Variants in EPG5 observed in about 807,000 individuals in gnomAD.
EPG5 encodes the protein ectopic P granules protein 5 homolog.
EPG5 carries 159 observed loss-of-function variants against 302.7 expected under a neutral mutation model. The observed-to-expected ratio is 0.53, with a 90% CI of 0.46 to 0.60. The LOEUF (loss-of-function observed/expected upper bound fraction) is 0.60. Ranked by LOEUF, EPG5 falls within the 20% of genes least tolerant of loss-of-function variation. EPG5 has a pLI of 0.00. For synonymous variants in EPG5, 1,158 were observed against 1,136.8 expected (o/e 1.02, Z -0.37); for missense variants, 2,896 against 3,092.4 (o/e 0.94, Z 1.51).
intron 1 of EPG5, among the ~76,000 whole-genome samples, 157 bp from the exon 2 acceptor site, chr18:45,955,495 ATG>A (rs2051007717): frequency 6.6e-6 from 1 of 152,244 alleles, no homozygotes; most frequent in Admixed American, 6.5e-5. Flanking sequence ...ATGAACAAAT[ATG>A]AAACAGAAAT....
the EPG5 span, among the ~76,000 whole-genome samples, chr18:45,814,606 A>G: frequency 7.2e-5 from 11 of 152,240 alleles, no homozygotes; most frequent in Non-Finnish European, 1.6e-4. Flanking sequence ...TAAAGAGAAA[A>G]GTGCATGATA....
At position 45,882,354 on chromosome 18, in the gene EPG5, A is replaced by G; in HGVS notation, c.5438T>C (p.Leu1813Pro). ...PDEDILMPFN[L>P]FCKHWTYLLL... Reference sequence around the variant, plus strand: ...AAGATAAGTCCAGTGCTTACAGAAAAGATTAAATGGCATCAAAATATCCTC... The same window carrying G: ...AAGATAAGTCCAGTGCTTACAGAAAGGATTAAATGGCATCAAAATATCCTC... Residue 1813 changes from leucine (L) to proline (P), a missense_variant, in exon 31 of 44, where the codon CTT (leucine) becomes CCT (proline). Coordinates refer to ENST00000282041, the MANE Select transcript of EPG5 (RefSeq NM_020964.3). 6.2e-7 allele frequency: 1 copy of G among 1,614,234 alleles called. No homozygotes were observed.
At chr18:45,842,065 C>T in the EPG5 span, 1 of 1,596,938 alleles carries the variant, frequency 6.3e-7, no homozygotes, top group African/African-American at 1.3e-5. Context: ...TGTGGACCTC[C>T]CACCTGTTTG....
intron 1 of EPG5, among the ~76,000 whole-genome samples, chr18:45,964,071 C>CA (rs565124204): frequency 4.6e-5 from 7 of 150,676 alleles, no homozygotes; most frequent in Non-Finnish European, 7.4e-5. Context: ...TAAACTTTAA[C>CA]AAAAAAAAAT....
the EPG5 span, among the ~76,000 whole-genome samples, chr18:45,814,252 T>C: frequency 4.6e-5 from 7 of 152,228 alleles, no homozygotes; most frequent in South Asian, 1.2e-3. Context: ...CATACACTAA[T>C]CATGAGGAAG....
At chr18:45,878,636 T>G (rs575984751) in intron 33 of EPG5, among the ~76,000 whole-genome samples, 188 bp from the exon 34 acceptor site, 1 of 152,216 alleles carries the variant, frequency 6.6e-6, no homozygotes, top group Non-Finnish European at 1.5e-5. Flanking sequence ...TTTCTCTGAA[T>G]TGAAGAATTT....
intron 1 of EPG5, among the ~76,000 whole-genome samples, chr18:45,955,668 G>T (rs543387173): frequency 6.6e-6 from 1 of 152,302 alleles, no homozygotes; most frequent in South Asian, 2.1e-4. Flanking sequence ...CAGGGGTTAA[G>T]TTAAATAGAT....
At chr18:45,884,893 C>T (rs766244978) in intron 29 of EPG5, 82 bp from the exon 30 acceptor site, 6 of 939,648 alleles carry the variant, frequency 6.4e-6, no homozygotes, top group Non-Finnish European at 9.1e-6. Flanking sequence ...TAAGGGGCAC[C>T]AAATAAGGTG....
At chr18:45,826,507 C>A in the EPG5 span, among the ~76,000 whole-genome samples, 3 of 152,168 alleles carry the variant, frequency 2.0e-5, no homozygotes, top group African/African-American at 7.2e-5. Context: ...ATTTTCACCA[C>A]CTTCTTGGGT....
chr18:45,822,772 A>G, the EPG5 span, among the ~76,000 whole-genome samples: 1 of 151,340 alleles, frequency 6.6e-6, no homozygotes, highest in African/African-American at 2.5e-5. Flanking sequence ...CTTATAATCC[A>G]ATCAGAGAAA....
At chr18:45,912,153 A>C (rs2049919781) in intron 22 of EPG5, 137 bp downstream of exon 22, 17 of 706,148 alleles carry the variant, frequency 2.4e-5, no homozygotes, top group Non-Finnish European at 3.6e-5. Context: ...TCAAACATAG[A>C]GACAGAGAAA....
the EPG5 span, among the ~76,000 whole-genome samples, chr18:45,834,765 G>A: frequency 6.6e-6 from 1 of 152,222 alleles, no homozygotes; most frequent in African/African-American, 2.4e-5. Context: ...CTGAATTGAT[G>A]AATGCACGAT....
the EPG5 span, chr18:45,825,415 G>T: frequency 2.1e-6 from 1 of 475,008 alleles, no homozygotes; most frequent in Non-Finnish European, 3.8e-6. Context: ...TTCTGTGAGG[G>T]GATGGCAGCC....
At chr18:45,960,967 G>A (rs2051135482) in intron 1 of EPG5, among the ~76,000 whole-genome samples, 1 of 152,006 alleles carries the variant, frequency 6.6e-6, no homozygotes, top group South Asian at 2.1e-4. Context: ...ATTAACATAT[G>A]TAAAACCAAA....
chr18:45,868,531 AT>A (rs2048798067), intron 36 of EPG5, among the ~76,000 whole-genome samples: 1 of 150,422 alleles, frequency 6.6e-6, no homozygotes. Context: ...TTTATTGCTT[AT>A]TTTTTATTTT....
chr18:45,846,878 C>A (rs1300835781), downstream of EPG5, among the ~76,000 whole-genome samples: 1 of 152,192 alleles, frequency 6.6e-6, no homozygotes, highest in Non-Finnish European at 1.5e-5. Flanking sequence ...GAGAAAAGGG[C>A]TGTCTTCAGA....
the EPG5 span, among the ~76,000 whole-genome samples, chr18:45,800,647 C>T: frequency 6.6e-5 from 10 of 152,160 alleles, no homozygotes; most frequent in African/African-American, 1.7e-4. Flanking sequence ...CAGCTCTTGA[C>T]GAATTTGCAG....
At chr18:45,823,756 A>C in the EPG5 span, among the ~76,000 whole-genome samples, 2 of 152,366 alleles carry the variant, frequency 1.3e-5, no homozygotes, top group African/African-American at 4.8e-5. Context: ...GTAGGAAGGA[A>C]AGGCGATGGA....
chr18:45,904,776 A>T (rs2049707354), intron 24 of EPG5, among the ~76,000 whole-genome samples: 1 of 152,250 alleles, frequency 6.6e-6, no homozygotes, highest in African/African-American at 2.4e-5. Flanking sequence ...GAAAGGTGGA[A>T]ACTTGAACAT....
Sources: allele counts gnomAD v4.1 joint callset (sites outside exome capture counted in the v4.1 genomes callset), GRCh38; gene constraint gnomAD v4.1.1; transcripts MANE v1.5; gene names NCBI Gene and HGNC (gene_info 2026-07-23, HGNC 2026-07-21).